The following KCNQ1 variants were observed in gnomAD, a reference collection of about 807,000 sequenced individuals.
The protein encoded by KCNQ1 is potassium voltage-gated channel subfamily KQT member 1.
Under a neutral mutation model 72.4 loss-of-function variants are expected in KCNQ1, and 49 were observed. That is an observed-to-expected ratio of 0.68 (90% CI 0.54 to 0.86). The LOEUF is 0.86. KCNQ1 is among the 40% of genes least tolerant of loss of function. The pLI is 0.00. For synonymous variants in KCNQ1, 450 were observed against 412.6 expected, an observed-to-expected ratio of 1.09 and a Z score of -1.10; for missense variants, 790 against 945.1, an observed-to-expected ratio of 0.84 and a Z score of 2.15.
At chr11:2,650,976 C>T (rs1590005826) in intron 10 of KCNQ1, 1 of 398,568 alleles carries the variant, frequency 2.5e-6, no homozygotes, top group East Asian at 3.6e-5. Flanking sequence ...ATCAGTATGT[C>T]TTATCAACTC....
Position 2,670,081 on chromosome 11 carries a change from G to A in KCNQ1, c.1514+8000G>A, listed in dbSNP as rs920818689. The A allele has an allele frequency of 7.5e-6, 3 of 398,596 alleles. No individual in the cohort carries two copies. Among genetic ancestry groups the A allele is most frequent in the Non-Finnish European group, 1.3e-5 (3 of 226,150 alleles). The allele number at this position is 398,596 out of a possible 1,614,324, so 24.7% of individuals were successfully genotyped here. On this transcript the variant is annotated intron_variant, in intron 11 of 15. Coordinates refer to ENST00000155840, the MANE Select transcript of KCNQ1 (RefSeq NM_000218.3). This position sits in a 1 kb window ranked among gnomAD's most constrained non-coding sequence, Gnocchi z 4.9. Reference sequence around the variant, plus strand: ...TGCTCTGGGGAGGGGGTTGGAGGCAGAATCAGTGGACTGTGTCTCATGGCA... The same window carrying A: ...TGCTCTGGGGAGGGGGTTGGAGGCAAAATCAGTGGACTGTGTCTCATGGCA...
chr11:2,727,303 C>T (rs1330075237), intron 11 of KCNQ1, among the ~76,000 whole-genome samples: 1 of 152,168 alleles, frequency 6.6e-6, no homozygotes, highest in East Asian at 1.9e-4. Context: ...CCCAGGGCAG[C>T]TCAAGCCCTC....
intron 8 of KCNQ1, among the ~76,000 whole-genome samples, chr11:2,586,850 G>A (rs1848599305): frequency 1.3e-5 from 2 of 152,066 alleles, no homozygotes; most frequent in South Asian, 4.1e-4. Context: ...TGATGACAAG[G>A]CCACCAGGAC....
chr11:2,707,515 G>A (rs563915487), intron 11 of KCNQ1, among the ~76,000 whole-genome samples: 4 of 151,968 alleles, frequency 2.6e-5, no homozygotes, highest in East Asian at 1.9e-4. Context: ...GTTCTGGGCC[G>A]TCAGTTCATA....
rs1248890527 is a variant in KCNQ1 at position 2,683,660 on chromosome 11, T to C, written c.1514+21579T>C. The C allele has an allele frequency of 5.0e-6, 2 of 398,620 alleles. No individual in the cohort carries two copies. The highest frequency in any genetic ancestry group is 8.8e-6 in the Non-Finnish European group (2 of 226,080). The allele number at this position is 398,620 out of a possible 1,614,324, so 24.7% of individuals were successfully genotyped here. On this transcript the variant is annotated intron_variant, in intron 11 of 15. Transcript: ENST00000155840. This position sits in a 1 kb window ranked among gnomAD's most constrained non-coding sequence, Gnocchi z 4.7. ...CTGCTGCAAGGAACATCCCTTACTTTCCCATCTCAATACAACTGTGAAAAG... is the reference window on the plus strand; with the variant it reads ...CTGCTGCAAGGAACATCCCTTACTTCCCCATCTCAATACAACTGTGAAAAG...
Position 2,559,216 on chromosome 11 carries a change from C to T in KCNQ1, c.478-11412C>T, listed in dbSNP as rs973272877. Among the ~76,000 whole-genome samples the T allele has an allele frequency of 3.9e-5, 6 of 152,028 alleles. No homozygotes were observed. The East Asian group carries it at 7.7e-4, about 20-fold the overall frequency. ...AGGCAGTCTTCCCAGAGGTGCTTCC[C>T]GGGAAGCCCGTGGAGAGGATGCATT... is the stretch of plus-strand genomic sequence containing the variant. On this transcript the variant is annotated intron_variant, in intron 2 of 15. Transcript: ENST00000155840. The surrounding 1 kb of genome is among the most constrained non-coding windows in gnomAD (Gnocchi z 4.9).
At chr11:2,619,932 A>G (rs1849137126) in intron 10 of KCNQ1, 1 of 391,972 alleles carries the variant, frequency 2.6e-6, no homozygotes, top group Non-Finnish European at 4.5e-6. Flanking sequence ...ATACTGCATG[A>G]TGATGAGGTT....
At chr11:2,733,774 C>CACACACACACACACACACACACACACA (rs1845891956) in intron 11 of KCNQ1, among the ~76,000 whole-genome samples, 2 of 57,492 alleles carry the variant, frequency 3.5e-5, no homozygotes, top group African/African-American at 1.3e-4. Context: ...TTCAGGCCTT[C>CACACACACACACACACACACACACACA]CACACACACA....
chr11:2,743,694 C>G (rs538029462), intron 11 of KCNQ1, among the ~76,000 whole-genome samples: 1 of 152,386 alleles, frequency 6.6e-6, no homozygotes, highest in Admixed American at 6.5e-5. Flanking sequence ...TTCACGACCT[C>G]CCAGCTTTAA....
At chr11:2,530,646 T>C (rs937479218) in intron 2 of KCNQ1, among the ~76,000 whole-genome samples, 2 of 152,222 alleles carry the variant, frequency 1.3e-5, no homozygotes, top group African/African-American at 2.4e-5. Context: ...TAAGTGTGCA[T>C]ACACATGAGC....
At chr11:2,461,250 C>T (rs1846272954) in intron 1 of KCNQ1, among the ~76,000 whole-genome samples, 1 of 152,188 alleles carries the variant, frequency 6.6e-6, no homozygotes, top group African/African-American at 2.4e-5. Context: ...GCCTGTGGGG[C>T]CATCTGATGC....
chr11:2,629,102 G>C, intron 10 of KCNQ1: 1 of 397,690 alleles, frequency 2.5e-6, no homozygotes, highest in African/African-American at 2.1e-5. Flanking sequence ...CAAATTTTAG[G>C]ATTTTTTTTG....
At chr11:2,650,501 A>C in intron 10 of KCNQ1, 1 of 398,600 alleles carries the variant, frequency 2.5e-6, no homozygotes, top group Non-Finnish European at 4.4e-6. Context: ...GTGTCTCTAC[A>C]ATTAATTAGA....
chr11:2,459,919 C>T (rs1846249781), intron 1 of KCNQ1, among the ~76,000 whole-genome samples: 2 of 152,088 alleles, frequency 1.3e-5, no homozygotes, highest in South Asian at 4.1e-4. Context: ...ATCTGCTAGC[C>T]AGAAAAGGTG....
intron 1 of KCNQ1, among the ~76,000 whole-genome samples, chr11:2,454,200 A>G (rs1309054364): frequency 6.6e-6 from 1 of 152,190 alleles, no homozygotes; most frequent in East Asian, 1.9e-4. Flanking sequence ...CCAAATCTTA[A>G]AAGTTTACCT....
Position 2,711,825 on chromosome 11 carries a change from G to A in KCNQ1, c.1514+49744G>A, listed in dbSNP as rs556059239. 6.6e-6 allele frequency among the ~76,000 whole-genome samples: 1 copy of A among 152,280 alleles called. No individual in the cohort carries two copies. Among genetic ancestry groups the A allele is most frequent in the East Asian group, 1.9e-4 (1 of 5,172 alleles). On this transcript the variant is annotated intron_variant, in intron 11 of 15. Transcript: ENST00000155840. This position sits in a 1 kb window ranked among gnomAD's most constrained non-coding sequence, Gnocchi z 5.4. ...CCACTCAGCAGACTTAGGAGGGAGG[G>A]TCCTGGCACTGCTTCTGAGGAGGGT...
At chr11:2,702,649 AC>A (rs1177392921) in intron 11 of KCNQ1, among the ~76,000 whole-genome samples, 1 of 151,984 alleles carries the variant, frequency 6.6e-6, no homozygotes, top group Non-Finnish European at 1.5e-5. Flanking sequence ...CCTCTACCTA[AC>A]CCTGGAACCT....
intron 10 of KCNQ1, chr11:2,640,907 T>G (rs1286361197): frequency 7.5e-6 from 3 of 399,450 alleles, no homozygotes; most frequent in Non-Finnish European, 8.8e-6. Context: ...AGCTCCCACA[T>G]ATGATAATAA....
Position 2,623,504 on chromosome 11 carries a change from T to C in KCNQ1, c.1393+34650T>C, listed in dbSNP as rs746126863. The C allele has an allele frequency of 1.0e-5, 4 of 398,500 alleles. No individual in the cohort carries two copies. The highest frequency in any genetic ancestry group is 1.8e-5 in the Non-Finnish European group (4 of 226,072). 24.7% of individuals were successfully genotyped at this position (398,500 alleles called of 1,614,324 possible). On this transcript the variant is annotated intron_variant, in intron 10 of 15. Transcript: ENST00000155840. This position sits in a 1 kb window ranked among gnomAD's most constrained non-coding sequence, Gnocchi z 5.2. ...GCATTGCCTTTTCTAAAATGCAATA[T>C]GATTGGAATCATACAGTATGTAGTT...
Sources: gnomAD v4.1 joint callset for allele counts (sites outside exome capture counted in the v4.1 genomes callset) on GRCh38, gnomAD v4.1.1 for gene constraint, Gnocchi (gnomAD v3.1) non-coding constraint, MANE v1.5 for transcripts, NCBI Gene and HGNC (gene_info 2026-07-23, HGNC 2026-07-21) for gene names.